The following AGMO variants were observed in gnomAD, a reference collection of about 807,000 sequenced individuals.
The protein encoded by AGMO is alkylglycerol monooxygenase.
A neutral mutation model predicts 60.2 loss-of-function variants in AGMO; 75 were observed. The ratio of observed to expected loss-of-function variants is 1.25; its 90% CI spans 1.03 to 1.51. AGMO has a LOEUF of 1.51. AGMO is among the 40% of genes most tolerant of loss of function. The pLI is 0.00. For synonymous variants in AGMO, 261 were observed against 177.1 expected (o/e 1.47, Z -3.76); for missense variants, 763 against 525.5 (o/e 1.45, Z -4.42).
the AGMO span, among the ~76,000 whole-genome samples, chr7:15,170,796 A>G: frequency 6.6e-6 from 1 of 152,100 alleles, no homozygotes; most frequent in African/African-American, 2.4e-5. Context: ...GATACATTCT[A>G]TGTAGCTGAC....
chr7:15,473,172 C>T (rs1466393535), intron 3 of AGMO, among the ~76,000 whole-genome samples: 1 of 151,960 alleles, frequency 6.6e-6, no homozygotes, highest in Non-Finnish European at 1.5e-5. Flanking sequence ...TTCCTGGACA[C>T]ATACACCCTC....
At chr7:15,431,823 T>C (rs1781249036) in intron 3 of AGMO, among the ~76,000 whole-genome samples, 1 of 151,820 alleles carries the variant, frequency 6.6e-6, no homozygotes, top group Admixed American at 6.6e-5. Context: ...TACAGATTGC[T>C]CTCATACTGT....
At chr7:15,492,699 A>G (rs549450627) in intron 3 of AGMO, among the ~76,000 whole-genome samples, 3 of 152,156 alleles carry the variant, frequency 2.0e-5, no homozygotes, top group South Asian at 4.1e-4. Flanking sequence ...TGTTTCCCCA[A>G]CACTAATATA....
intron 12 of AGMO, among the ~76,000 whole-genome samples, chr7:15,247,276 T>A (rs1168118185): frequency 6.6e-6 from 1 of 152,206 alleles, no homozygotes; most frequent in Non-Finnish European, 1.5e-5. Context: ...ATATTTACAA[T>A]ACATTTTCAT....
chr7:15,225,662 T>C (rs1313982114), intron 12 of AGMO, among the ~76,000 whole-genome samples: 1 of 151,994 alleles, frequency 6.6e-6, no homozygotes, highest in Non-Finnish European at 1.5e-5. Flanking sequence ...TTAATATTAT[T>C]GAGCTTCTAT....
chr7:15,469,402 A>T (rs1782379596), intron 3 of AGMO, among the ~76,000 whole-genome samples: 1 of 152,166 alleles, frequency 6.6e-6, no homozygotes. Context: ...AAACAGCAAC[A>T]ACTAAACCGA....
intron 12 of AGMO, among the ~76,000 whole-genome samples, chr7:15,270,871 T>C (rs1783585579): frequency 6.6e-6 from 1 of 151,948 alleles, no homozygotes; most frequent in African/African-American, 2.4e-5. Context: ...AGTTTCATTC[T>C]TCTTCATATG....
At chr7:15,384,357 A>T (rs1011201569) in intron 10 of AGMO, among the ~76,000 whole-genome samples, 3 of 152,228 alleles carry the variant, frequency 2.0e-5, no homozygotes, top group Non-Finnish European at 4.4e-5. Context: ...AATGACAGCT[A>T]GGACAACTAT....
intron 12 of AGMO, among the ~76,000 whole-genome samples, chr7:15,274,882 GGT>G (rs1563065331): frequency 1.3e-5 from 2 of 150,620 alleles, no homozygotes; most frequent in African/African-American, 2.4e-5. Flanking sequence ...TTTTTTCTGT[GGT>G]ATCAGTTGTA....
At position 15,522,079 on chromosome 7, in the gene AGMO, T is replaced by C. The variant is rs769535996; in HGVS notation, c.409+22693A>G. Among the ~76,000 whole-genome samples, 20 of 152,142 alleles carry C rather than the reference T, an allele frequency of 1.3e-4. 1 individual carries two copies. Among genetic ancestry groups the C allele is most frequent in the Non-Finnish European group, 2.2e-4 (15 of 68,022 alleles). ...AATAGACAAAGAGAGAGCCAAATCATGAGTGAACTCTCATTCACAATTGTT... is the reference window on the plus strand; with the variant it reads ...AATAGACAAAGAGAGAGCCAAATCACGAGTGAACTCTCATTCACAATTGTT... On this transcript the variant is annotated intron_variant, in intron 3 of 12. Coordinates refer to ENST00000342526, the MANE Select transcript of AGMO (RefSeq NM_001004320.2).
At chr7:15,333,261 A>G (rs1781553731) in intron 12 of AGMO, among the ~76,000 whole-genome samples, 1 of 152,178 alleles carries the variant, frequency 6.6e-6, no homozygotes, top group Non-Finnish European at 1.5e-5. Context: ...TCTACAGAGA[A>G]AACAACTTCC....
chr7:15,336,858 A>C (rs1349399651), intron 12 of AGMO, among the ~76,000 whole-genome samples: 1 of 152,176 alleles, frequency 6.6e-6, no homozygotes, highest in Non-Finnish European at 1.5e-5. Flanking sequence ...AGATGGCCTA[A>C]ATTGTATTTA....
At chr7:15,382,416 A>T (rs926735562) in intron 10 of AGMO, among the ~76,000 whole-genome samples, 1 of 152,152 alleles carries the variant, frequency 6.6e-6, no homozygotes, top group Admixed American at 6.5e-5. Flanking sequence ...TAATTTACTC[A>T]TGGTTAAATT....
intron 12 of AGMO, among the ~76,000 whole-genome samples, chr7:15,346,539 G>A (rs1468721201): frequency 6.7e-6 from 1 of 149,846 alleles, no homozygotes; most frequent in Non-Finnish European, 1.5e-5. Flanking sequence ...TAAATAATAC[G>A]ATATAAAAGC....
chr7:15,553,251 G>A (rs936329167), intron 2 of AGMO, among the ~76,000 whole-genome samples: 1 of 151,078 alleles, frequency 6.6e-6, no homozygotes, highest in African/African-American at 2.5e-5. Flanking sequence ...CAGCGCACCA[G>A]CATGGCACAT....
chr7:15,118,764 T>C, the AGMO span, among the ~76,000 whole-genome samples: 69,814 of 151,632 alleles, frequency 0.46, 16,326 homozygotes, highest in South Asian at 0.55. Context: ...TCAACCCTGG[T>C]TTTCCATTAG....
chr7:15,460,287 C>T (rs1782112277), intron 3 of AGMO, among the ~76,000 whole-genome samples: 1 of 151,850 alleles, frequency 6.6e-6, no homozygotes, highest in South Asian at 2.1e-4. Context: ...TGGGGTTTCG[C>T]CATGTTGGCC....
intron 12 of AGMO, among the ~76,000 whole-genome samples, chr7:15,263,312 A>T (rs571042788): frequency 6.6e-6 from 1 of 152,212 alleles, no homozygotes; most frequent in South Asian, 2.1e-4. Flanking sequence ...ATGGCCAACA[A>T]ACATATAGAA....
intron 3 of AGMO, among the ~76,000 whole-genome samples, chr7:15,503,694 G>GT (rs1314704701): frequency 6.6e-6 from 1 of 151,818 alleles, no homozygotes; most frequent in African/African-American, 2.4e-5. Context: ...CAAGAATGGC[G>GT]TAACACAAAT....
Sources: gnomAD v4.1 joint callset for allele counts (sites outside exome capture counted in the v4.1 genomes callset) on GRCh38, gnomAD v4.1.1 for gene constraint, MANE v1.5 for transcripts, NCBI Gene and HGNC (gene_info 2026-07-23, HGNC 2026-07-21) for gene names.